Variants in SRP72 observed in about 807,000 individuals in gnomAD.
SRP72 encodes the protein signal recognition particle subunit SRP72.
A neutral mutation model predicts 96.3 loss-of-function variants in SRP72; 49 were observed. That is an observed-to-expected ratio of 0.51 (90% CI 0.40 to 0.65). SRP72 has a LOEUF of 0.65. Among genes scored for constraint, SRP72 ranks in the 30% least tolerant of loss-of-function variants. The probability of loss-of-function intolerance (pLI) is 0.00; values close to 1 mark genes in which losing one functional copy is unlikely to be tolerated. For missense variants in SRP72, 736 were observed against 793.3 expected (o/e 0.93, Z 0.87); for synonymous variants, 267 against 275.2 (o/e 0.97, Z 0.30).
At chr4:56,490,810 A>G (rs1720880857) in intron 15 of SRP72, among the ~76,000 whole-genome samples, 165 bp downstream of exon 15, 1 of 152,232 alleles carries the variant, frequency 6.6e-6, no homozygotes, top group African/African-American at 2.4e-5. Context: ...GTGTGACTGA[A>G]AAATGCGGCG....
intron 5 of SRP72, chr4:56,475,642 C>T (rs1321579289): frequency 6.6e-6 from 1 of 151,504 alleles, no homozygotes; most frequent in African/African-American, 2.4e-5. Context: ...GCTGGGATTA[C>T]AAGTGTGAGC....
Position 56,467,655 on chromosome 4 carries a change from G to A in SRP72, c.20G>A (p.Gly7Glu), listed in dbSNP as rs139502866. Residue 7 changes from glycine (G) to glutamate (E), a missense_variant, in exon 1 of 19, where the codon GGG becomes GAG. Physicochemically the swap from Gly to Glu is moderately conservative, Grantham distance 98 (BLOSUM62 -2). Around this residue, in one of 3 missense-constraint regions of SRP72, gnomAD observed 329 missense variants for 319.0 expected, o/e 1.03. Coordinates refer to ENST00000642900, the MANE Select transcript of SRP72 (RefSeq NM_006947.4). MASGGSGGVSVPALWSE... is the reference protein window; with the variant it reads MASGGSEGVSVPALWSE... ...TCCAAGATGGCGAGCGGCGGCAGCG[G>A]GGGGGTGTCAGTACCTGCGCTGTGG... 178 of 1,561,382 alleles carry A rather than the reference G, an allele frequency of 1.1e-4. No individual in the cohort carries two copies. The highest frequency in any genetic ancestry group is 1.7e-4 in the Middle Eastern group (1 of 5,950).
In SRP72 at chr4:56,483,233, A is replaced by C. The variant is rs1373728478; in HGVS notation, c.920A>C (p.Glu307Ala). Reference sequence around the variant, plus strand: ...TCCAAGAAACAACTACAAGCTATAGAATTTAACAAAGCTTTACTTGCTATG... The same window carrying C: ...TCCAAGAAACAACTACAAGCTATAGCATTTAACAAAGCTTTACTTGCTATG... ...KLSKKQLQAI[E>A]FNKALLAMYT... The change falls in exon 9 of 19, where the codon GAA (glutamate) becomes GCA (alanine). Residue 307 changes from glutamate (E) to alanine (A), a missense_variant. Glu to Ala is a moderately radical substitution (Grantham distance 107). Coordinates refer to ENST00000642900, the MANE Select transcript of SRP72 (RefSeq NM_006947.4). 1 of 1,612,826 alleles carries C rather than the reference A, an allele frequency of 6.2e-7. No homozygotes were observed. Among genetic ancestry groups the C allele is most frequent in the Non-Finnish European group, 8.5e-7 (1 of 1,179,808 alleles).
chr4:56,489,592 T>G, intron 13 of SRP72, 109 bp downstream of exon 13: 1 of 533,842 alleles, frequency 1.9e-6, no homozygotes, highest in Non-Finnish European at 3.3e-6. Context: ...ATTTTAAAAG[T>G]GGAATACTAT....
At chr4:56,484,487 A>G (rs1015015521) in intron 9 of SRP72, among the ~76,000 whole-genome samples, 6 of 152,144 alleles carry the variant, frequency 3.9e-5, no homozygotes, top group African/African-American at 1.4e-4. Context: ...TAGGCATCCA[A>G]GTGAATGTTT....
chr4:56,479,268 C>T (rs962157190), intron 8 of SRP72, among the ~76,000 whole-genome samples: 4 of 152,150 alleles, frequency 2.6e-5, no homozygotes, highest in Non-Finnish European at 5.9e-5. Flanking sequence ...CAACCTCCGC[C>T]TCCCGCGTTC....
At chr4:56,469,798 T>A in intron 2 of SRP72, 25 bp downstream of exon 2, 2 of 1,574,158 alleles carry the variant, frequency 1.3e-6, no homozygotes, top group Non-Finnish European at 1.7e-6. Context: ...TAGTTGCTTG[T>A]ACAGTTATTA....
Position 56,490,360 on chromosome 4 carries a change from A to G in SRP72, c.1348A>G (p.Ile450Val), listed in dbSNP as rs779229164. ...AAAATCTCCTGCTCATTTGTCCTTG[A>G]TAAGAGAAGCTGCAAACTTCAAACT... is the stretch of plus-strand genomic sequence containing the variant. Reference protein sequence around the residue: ...QPKSPAHLSLIREAANFKLKY... With the variant: ...QPKSPAHLSLVREAANFKLKY... The change falls in exon 14 of 19, where the codon ATA becomes GTA. Residue 450 changes from isoleucine to valine, a missense_variant. Ile to Val is a conservative substitution (Grantham distance 29). Coordinates refer to ENST00000642900, the MANE Select transcript of SRP72 (RefSeq NM_006947.4). 1 of 1,613,810 alleles carries G rather than the reference A, an allele frequency of 6.2e-7. No homozygotes were observed. Among genetic ancestry groups the G allele is most frequent in the Non-Finnish European group, 8.5e-7 (1 of 1,179,902 alleles).
rs767902526 is a variant in SRP72, at chr4:56,467,617, G to C, written c.-19G>C. On this transcript the variant is annotated 5_prime_UTR_variant, in exon 1 of 19. Coordinates refer to ENST00000642900, the MANE Select transcript of SRP72 (RefSeq NM_006947.4). ...TCCGGGGCAGAGGTCTCCCCGCCCC[G>C]CCCCTCGTCTCCTCCAAGATGGCGA... is the stretch of plus-strand genomic sequence containing the variant. The C allele has an allele frequency of 5.9e-6, 9 of 1,520,680 alleles. No individual in the cohort carries two copies. Among genetic ancestry groups the C allele is most frequent in the African/African-American group, 1.4e-5 (1 of 69,890 alleles). The allele number at this position is 1,520,680 out of a possible 1,614,324, so 94.2% of individuals were successfully genotyped here. A position where few individuals can be genotyped will look rare whatever the true frequency, so the allele number is the denominator to read the frequency against.
Position 56,491,510 on chromosome 4 carries a change from A to G in SRP72, c.1582A>G (p.Thr528Ala), listed in dbSNP as rs756624463. 2.5e-6 allele frequency: 4 copies of G among 1,614,030 alleles called. No homozygotes were observed. The highest frequency in any genetic ancestry group is 2.2e-5 in the South Asian group (2 of 91,088). ...GGCTCTTGAAAATTCTGCTGGTGCT[A>G]CATACATTCGGAAGAAGGGTGGAAA... ...VEALENSAGA[T>A]YIRKKGGKVT... Residue 528 changes from threonine (T) to alanine (A), a missense_variant, in exon 16 of 19, where the codon ACA becomes GCA. Physicochemically the swap from Thr to Ala is moderately conservative, Grantham distance 58. Coordinates refer to ENST00000642900, the MANE Select transcript of SRP72 (RefSeq NM_006947.4).
intron 8 of SRP72, among the ~76,000 whole-genome samples, chr4:56,482,447 CAA>C (rs112046315): frequency 2.5e-4 from 35 of 142,110 alleles, no homozygotes; most frequent in South Asian, 2.4e-3. Context: ...GACTCCATCT[CAA>C]AAAAAAAAAA....
In SRP72 at chr4:56,501,829, A is replaced by G; in HGVS notation, c.1984A>G (p.Lys662Glu). 1 of 1,614,134 alleles carries G rather than the reference A, an allele frequency of 6.2e-7. No individual in the cohort carries two copies. The change falls in exon 19 of 19, where the codon AAA (lysine) becomes GAA (glutamate). Residue 662 changes from lysine to glutamate, a missense_variant. Around this residue, in one of 3 missense-constraint regions of SRP72, gnomAD observed 388 missense variants for 431.8 expected, o/e 0.90. Transcript: ENST00000642900. ...AGCAACAAAAAAGAAACAGCAACAGAAAAAGAAGAAAGGTGGAAAAGGTGG... is the reference window on the plus strand; with the variant it reads ...AGCAACAAAAAAGAAACAGCAACAGGAAAAGAAGAAAGGTGGAAAAGGTGG... ...APATKKKQQQ[K>E]KKKGGKGGW
At chr4:56,484,649 T>G in intron 9 of SRP72, 87 bp from the exon 10 acceptor site, 1 of 1,554,392 alleles carries the variant, frequency 6.4e-7, no homozygotes, top group Non-Finnish European at 8.8e-7. Context: ...TTCAACTGAT[T>G]TTCCCATGTT....
intron 18 of SRP72, 87 bp from the exon 19 acceptor site, chr4:56,501,597 T>G: frequency 8.9e-7 from 1 of 1,126,602 alleles, no homozygotes. Context: ...GATTGTTAAG[T>G]GTGATAAGTA....
At chr4:56,475,623 A>ACCCGAAG (rs1720185075) in intron 5 of SRP72, 1 of 151,574 alleles carries the variant, frequency 6.6e-6, no homozygotes, top group South Asian at 2.1e-4. Context: ...CACCTTGACC[A>ACCCGAAG]CCCGAAGTGC....
chr4:56,467,941 G>T (rs2110109067), intron 1 of SRP72, among the ~76,000 whole-genome samples, 197 bp downstream of exon 1: 1 of 152,306 alleles, frequency 6.6e-6, no homozygotes, highest in East Asian at 1.9e-4. Flanking sequence ...AGGCCAGCCT[G>T]GGGTCCCTGG....
intron 17 of SRP72, among the ~76,000 whole-genome samples, chr4:56,499,729 G>C (rs1447451936): frequency 6.6e-6 from 1 of 152,194 alleles, no homozygotes; most frequent in Non-Finnish European, 1.5e-5. Flanking sequence ...ATGCTGGAGA[G>C]GATGTGGAGA....
chr4:56,495,546 A>G (rs746099295), intron 17 of SRP72, 152 bp downstream of exon 17: 41 of 508,510 alleles, frequency 8.1e-5, no homozygotes, highest in African/African-American at 2.9e-4. Flanking sequence ...ATTTTATTCT[A>G]TTACTTTAAA....
intron 10 of SRP72, 126 bp from the exon 11 acceptor site, chr4:56,486,199 C>T (rs1202554325): frequency 1.6e-6 from 1 of 636,128 alleles, no homozygotes; most frequent in Admixed American, 3.6e-5. Context: ...AAGATTTTGA[C>T]CTGCAGCCAG....
Sources: allele counts gnomAD v4.1 joint callset (sites outside exome capture counted in the v4.1 genomes callset), GRCh38; gene constraint gnomAD v4.1.1; regional missense constraint gnomAD v4.1.1; transcripts MANE v1.5; gene names NCBI Gene and HGNC (gene_info 2026-07-23, HGNC 2026-07-21).